Variants in STXBP5L observed in about 807,000 individuals in gnomAD.
STXBP5L encodes the protein syntaxin-binding protein 5-like.
A neutral mutation model predicts 144.5 loss-of-function variants in STXBP5L; 65 were observed. The ratio of observed to expected loss-of-function variants is 0.45; its 90% CI spans 0.37 to 0.55. The LOEUF (loss-of-function observed/expected upper bound fraction) is 0.55, where lower values mean the gene tolerates loss of function less well. STXBP5L is among the 20% of genes least tolerant of loss of function. STXBP5L has a pLI of 0.00. For missense variants in STXBP5L, 1,298 were observed against 1,405.5 expected (o/e 0.92, Z 1.22); for synonymous variants, 505 against 469.6 (o/e 1.08, Z -0.97).
At chr3:121,184,852 C>G (rs1339245884) in intron 9 of STXBP5L, among the ~76,000 whole-genome samples, 2 of 152,196 alleles carry the variant, frequency 1.3e-5, no homozygotes, top group Admixed American at 1.3e-4. Context: ...GCCTATCGGA[C>G]TAACAGCAGA....
chr3:121,198,965 C>T (rs756467936), intron 9 of STXBP5L, among the ~76,000 whole-genome samples: 13 of 151,992 alleles, frequency 8.6e-5, no homozygotes, highest in Non-Finnish European at 1.5e-4. Context: ...CTTACCTATA[C>T]GGGTTATTTT....
Position 121,089,862 on chromosome 3 carries a change from G to T in STXBP5L, c.471-25063G>T, listed in dbSNP as rs149743593. Reference sequence around the variant, plus strand: ...TCTGTCCTTGTTATTCTGGTGTTTAGCTTATCCACAGAATTTTAAATTTTC... The same window carrying T: ...TCTGTCCTTGTTATTCTGGTGTTTATCTTATCCACAGAATTTTAAATTTTC... On this transcript the variant is annotated intron_variant, in intron 5 of 26. Transcript: ENST00000471454. 4.7e-3 allele frequency among the ~76,000 whole-genome samples: 720 copies of T among 151,954 alleles called. 6 individuals are homozygous for T. Among genetic ancestry groups the T allele is most frequent in the African/African-American group, 0.017 (696 of 41,470 alleles).
At chr3:120,950,404 T>C (rs1286000664) in intron 2 of STXBP5L, among the ~76,000 whole-genome samples, 7 of 152,204 alleles carry the variant, frequency 4.6e-5, no homozygotes, top group African/African-American at 1.7e-4. Flanking sequence ...CAATACCTTA[T>C]TTTCTTGATT....
intron 3 of STXBP5L, among the ~76,000 whole-genome samples, chr3:120,971,963 TA>T (rs1282760424): frequency 1.3e-5 from 2 of 152,070 alleles, no homozygotes; most frequent in Non-Finnish European, 2.9e-5. Context: ...ATGACTTTGC[TA>T]TTGTGGCCAG....
At chr3:121,368,944 G>A (rs144827691) in intron 20 of STXBP5L, among the ~76,000 whole-genome samples, 21 of 152,182 alleles carry the variant, frequency 1.4e-4, no homozygotes, top group African/African-American at 5.1e-4. Flanking sequence ...CGGGAATGAG[G>A]GTAAGTGCAA....
intron 22 of STXBP5L, among the ~76,000 whole-genome samples, chr3:121,387,271 ATTTG>A (rs1182422354): frequency 6.6e-6 from 1 of 152,030 alleles, no homozygotes; most frequent in East Asian, 1.9e-4. Flanking sequence ...TTTAGTGTAA[ATTTG>A]TTTGAGTTCT....
intron 3 of STXBP5L, among the ~76,000 whole-genome samples, chr3:120,998,234 G>A (rs1943506003): frequency 6.6e-6 from 1 of 152,142 alleles, no homozygotes; most frequent in Non-Finnish European, 1.5e-5. Context: ...CCTAGCCAGA[G>A]CAATCAGGGA....
intron 22 of STXBP5L, among the ~76,000 whole-genome samples, chr3:121,398,114 C>G (rs1035969447): frequency 6.6e-6 from 1 of 152,236 alleles, no homozygotes; most frequent in Admixed American, 6.5e-5. Context: ...CAATCAGGAG[C>G]TGTGCCATGT....
chr3:121,075,539 A>G (rs896391153), intron 5 of STXBP5L, among the ~76,000 whole-genome samples: 2 of 152,178 alleles, frequency 1.3e-5, no homozygotes, highest in African/African-American at 4.8e-5. Flanking sequence ...CTGAAGCTTT[A>G]GCTTTATGTC....
chr3:121,051,373 T>C (rs1408750847), intron 5 of STXBP5L, among the ~76,000 whole-genome samples: 4 of 151,992 alleles, frequency 2.6e-5, no homozygotes, highest in Admixed American at 1.3e-4. Flanking sequence ...GAACAGAAAT[T>C]ATAACAAACT....
At chr3:121,085,939 C>A (rs1276023970) in intron 5 of STXBP5L, among the ~76,000 whole-genome samples, 1 of 152,092 alleles carries the variant, frequency 6.6e-6, no homozygotes, top group African/African-American at 2.4e-5. Flanking sequence ...GCTACAGTAA[C>A]CAAAACAACA....
At chr3:121,281,948 C>T (rs1443634898) in intron 19 of STXBP5L, among the ~76,000 whole-genome samples, 1 of 151,128 alleles carries the variant, frequency 6.6e-6, no homozygotes, top group Non-Finnish European at 1.5e-5. Context: ...TTTGTAAAAA[C>T]ATATAAGGAA....
chr3:120,921,074 A>T (rs1008561782), intron 2 of STXBP5L, among the ~76,000 whole-genome samples: 4 of 151,932 alleles, frequency 2.6e-5, no homozygotes, highest in Non-Finnish European at 5.9e-5. Flanking sequence ...TAGTGGCTGT[A>T]CTAATTTACA....
chr3:120,984,013 G>A (rs1187210958), intron 3 of STXBP5L, among the ~76,000 whole-genome samples: 1 of 152,138 alleles, frequency 6.6e-6, no homozygotes, highest in Non-Finnish European at 1.5e-5. Context: ...AGTTTCACAC[G>A]TCAGTTGCTG....
intron 6 of STXBP5L, among the ~76,000 whole-genome samples, chr3:121,120,733 T>C (rs1194159196): frequency 2.0e-5 from 3 of 151,240 alleles, no homozygotes; most frequent in South Asian, 2.1e-4. Flanking sequence ...AAGATTTAAA[T>C]CTTCTTCATT....
intron 19 of STXBP5L, among the ~76,000 whole-genome samples, chr3:121,311,581 T>C (rs2108512212): frequency 6.6e-6 from 1 of 152,198 alleles, no homozygotes; most frequent in Non-Finnish European, 1.5e-5. Flanking sequence ...ATGAGTGAAC[T>C]CCCATTCACA....
rs1180619558 is a variant in STXBP5L at position 121,076,020 on chromosome 3, C to T, written c.470+30485C>T. ...TTAGATCTATAAGAGCCTGAGGCTT[C>T]TCTGTATAGGAGGGAGTATGTTGTC... is the stretch of plus-strand genomic sequence containing the variant. On this transcript the variant is annotated intron_variant, in intron 5 of 26. Coordinates refer to ENST00000471454, the MANE Select transcript of STXBP5L (RefSeq NM_001308330.2). Among the ~76,000 whole-genome samples the T allele has an allele frequency of 1.3e-5, 2 of 152,226 alleles. 1 individual carries two copies. The highest frequency in any genetic ancestry group is 2.9e-5 in the Non-Finnish European group (2 of 68,048).
At chr3:121,079,774 G>C (rs950366599) in intron 5 of STXBP5L, among the ~76,000 whole-genome samples, 1 of 152,144 alleles carries the variant, frequency 6.6e-6, no homozygotes, top group Non-Finnish European at 1.5e-5. Flanking sequence ...TGTTCCCCAC[G>C]CTGATGAGAA....
chr3:121,296,807 A>G (rs895496141), intron 19 of STXBP5L, among the ~76,000 whole-genome samples: 1 of 152,340 alleles, frequency 6.6e-6, no homozygotes, highest in Non-Finnish European at 1.5e-5. Context: ...AAATAGAAAA[A>G]TAAATCATTC....
Sources: gnomAD v4.1 joint callset for allele counts (sites outside exome capture counted in the v4.1 genomes callset) on GRCh38, gnomAD v4.1.1 for gene constraint, MANE v1.5 for transcripts, NCBI Gene and HGNC (gene_info 2026-07-23, HGNC 2026-07-21) for gene names.